TGM1: variants seen among roughly 807,000 people sequenced by gnomAD.
The protein encoded by TGM1 is transglutaminase 1.
In TGM1, 63 loss-of-function variants were observed where a neutral mutation model predicts 88.7. The observed-to-expected ratio is 0.71, with a 90% CI of 0.58 to 0.88. TGM1 has a LOEUF of 0.88. Among genes scored for constraint, TGM1 ranks in the 40% least tolerant of loss-of-function variants. The probability of loss-of-function intolerance (pLI) is 0.00; values close to 1 mark genes in which losing one functional copy is unlikely to be tolerated. For missense variants in TGM1, 996 were observed against 1,118.0 expected (o/e 0.89, Z 1.56); for synonymous variants, 415 against 431.1 (o/e 0.96, Z 0.46).
chr14:24,258,389 C>G lies in TGM1; in HGVS notation c.1299-1G>C. 1 of 1,614,092 alleles carries G rather than the reference C, an allele frequency of 6.2e-7. No homozygotes were observed. Among genetic ancestry groups the G allele is most frequent in the Non-Finnish European group, 8.5e-7 (1 of 1,180,002 alleles). ...GCAGTCGTTCCACACATGGAAGTTC[C>G]TGGATGGACATGGAGGAGGGGCTGG... On this transcript the variant is annotated splice_acceptor_variant, in intron 8 of 14. Transcript: ENST00000206765. LOFTEE classifies it high-confidence loss of function.
chr14:24,258,170 C>T (rs543989870), intron 9 of TGM1, 115 bp downstream of exon 9: 49 of 765,338 alleles, frequency 6.4e-5, no homozygotes, highest in South Asian at 3.9e-4. Context: ...TTTAAGAAGC[C>T]GCGGGGTTAC....
chr14:24,259,762 C>T lies in TGM1; in HGVS notation c.926G>A (p.Gly309Glu). ...GTCTCCACGGCCTCCATATGGCATC[C>T]CCCGCCGGTCCAGGATGTATAAGCA... ...DACLYILDRR[G>E]MPYGGRGDPV... Residue 309 changes from glycine to glutamate, a missense_variant, in exon 6 of 15, where the codon GGG (glycine) becomes GAG (glutamate). Physicochemically the swap from Gly to Glu is moderately conservative, Grantham distance 98. Coordinates refer to ENST00000206765, the MANE Select transcript of TGM1 (RefSeq NM_000359.3). The surrounding 1 kb of genome is among the most constrained non-coding windows in gnomAD (Gnocchi z 5.7). 1 of 1,613,094 alleles carries T rather than the reference C, an allele frequency of 6.2e-7. No individual in the cohort carries two copies. The highest frequency in any genetic ancestry group is 8.5e-7 in the Non-Finnish European group (1 of 1,179,824).
In TGM1 at chr14:24,262,366, A is replaced by T. The variant is rs1008609061; in HGVS notation, c.-2-12T>A. 2.5e-6 allele frequency: 4 copies of T among 1,613,074 alleles called. No homozygotes were observed. In the African/African-American group the frequency reaches 5.3e-5, roughly 22 times the overall value. ...CCCATCCATCATGCCTGTTAGGAAG[A>T]GGCAGGGTGGCTCCTTAACCCAGGT... On this transcript the variant is annotated splice_polypyrimidine_tract_variant and intron_variant, in intron 1 of 14. Coordinates refer to ENST00000206765, the MANE Select transcript of TGM1 (RefSeq NM_000359.3).
rs2040745388 is a variant in TGM1 at position 24,255,743 on chromosome 14, T to C, written c.1492-226A>G. On this transcript the variant is annotated intron_variant, in intron 10 of 14. Transcript: ENST00000206765. The surrounding 1 kb of genome is among the most constrained non-coding windows in gnomAD (Gnocchi z 4.0). ...GGCTCCTGGCAGAGCACTTTGGCAA[T>C]ATCAGTAATCCCTCACACTCAATGG... Among the ~76,000 whole-genome samples, 1 of 152,158 alleles carries C rather than the reference T, an allele frequency of 6.6e-6. No individual in the cohort carries two copies. The highest frequency in any genetic ancestry group is 6.5e-5 in the Admixed American group (1 of 15,284).
Position 24,262,209 on chromosome 14 carries a change from A to C in TGM1, c.144T>G (p.Cys48Trp). 3 of 1,613,874 alleles carry C rather than the reference A, an allele frequency of 1.9e-6. No homozygotes were observed. Among genetic ancestry groups the C allele is most frequent in the Non-Finnish European group, 2.5e-6 (3 of 1,180,024 alleles). ...CCGCATTTCGGCATGAACAGCAGCCACAGCAGCGAGCCCAGAAGGAACGGC... is the reference window on the plus strand; with the variant it reads ...CCGCATTTCGGCATGAACAGCAGCCCCAGCAGCGAGCCCAGAAGGAACGGC... ...GGGRSFWARC[C>W]GCCSCRNAAD... Residue 48 changes from cysteine to tryptophan, a missense_variant, in exon 2 of 15, where the codon TGT becomes TGG. Physicochemically the swap from Cys to Trp is radical, Grantham distance 215 (BLOSUM62 -2). Coordinates refer to ENST00000206765, the MANE Select transcript of TGM1 (RefSeq NM_000359.3).
rs749759208 is a variant in TGM1 at position 24,262,025 on chromosome 14, C to T, written c.319+9G>A. ...TAGCTCTCAGCTGAGGAGGACAGAC[C>T]GGCCTCACCTCGGATGGTGCCATCT... is the stretch of plus-strand genomic sequence containing the variant. On this transcript the variant is annotated intron_variant, in intron 2 of 14. Transcript: ENST00000206765. 44 of 1,613,112 alleles carry T rather than the reference C, an allele frequency of 2.7e-5. No homozygotes were observed. Among genetic ancestry groups the T allele is most frequent in the South Asian group, 8.8e-5 (8 of 91,080 alleles).
intron 14 of TGM1, among the ~76,000 whole-genome samples, chr14:24,253,781 C>A (rs2040720378): frequency 6.6e-6 from 1 of 152,208 alleles, no homozygotes; most frequent in African/African-American, 2.4e-5. Flanking sequence ...CACACCTGGC[C>A]TTCTAATGTA....
chr14:24,253,901 G>A (rs953262719), intron 14 of TGM1, among the ~76,000 whole-genome samples: 1 of 152,170 alleles, frequency 6.6e-6, no homozygotes, highest in Non-Finnish European at 1.5e-5. Flanking sequence ...TTCCTATGTG[G>A]GCCTTCTGCT....
chr14:24,261,751 A>G lies in TGM1; in HGVS notation c.452T>C (p.Leu151Pro). Residue 151 changes from leucine (L) to proline (P), a missense_variant, in exon 3 of 15, where the codon CTC becomes CCC. Physicochemically the swap from Leu to Pro is moderately conservative, Grantham distance 98. Transcript: ENST00000206765. Reference protein sequence around the residue: ...VRRGQPFHMLLLLSRTYESSD... With the variant: ...VRRGQPFHMLPLLSRTYESSD... The stretch of plus-strand genomic sequence containing the variant: ...GGATTCATAGGTCCGGGACAGGAGG[A>G]GGAGCATATGGAAAGGCTGCCCGCG... 1 of 1,614,086 alleles carries G rather than the reference A, an allele frequency of 6.2e-7. No individual in the cohort carries two copies. The highest frequency in any genetic ancestry group is 8.5e-7 in the Non-Finnish European group (1 of 1,180,014).
At chr14:24,258,756 GCAACTAGGATTGC>G in intron 7 of TGM1, 83 bp from the exon 8 acceptor site, 1 of 1,580,236 alleles carries the variant, frequency 6.3e-7, no homozygotes, top group South Asian at 1.1e-5. Context: ...GGGGAGAAGG[GCAACTAGGATTGC>G]CAAGCTGGGC....
At chr14:24,261,558 C>T in intron 3 of TGM1, 137 bp downstream of exon 3, 1 of 1,122,744 alleles carries the variant, frequency 8.9e-7, no homozygotes, top group Non-Finnish European at 1.3e-6. Flanking sequence ...GGGGCACACC[C>T]ACACACTTGC....
chr14:24,251,099 G>A (rs2040697359), intron 14 of TGM1, among the ~76,000 whole-genome samples: 1 of 152,134 alleles, frequency 6.6e-6, no homozygotes, highest in African/African-American at 2.4e-5. Context: ...CACTTTCTGG[G>A]TCATAAAATG....
chr14:24,258,980 C>T, intron 7 of TGM1, 95 bp downstream of exon 7: 1 of 1,456,290 alleles, frequency 6.9e-7, no homozygotes, highest in Non-Finnish European at 9.5e-7. Flanking sequence ...CTGCACCCTG[C>T]ACTGTAGCCA....
At chr14:24,254,396 A>G in intron 13 of TGM1, 108 bp from the exon 14 acceptor site, 1 of 1,525,676 alleles carries the variant, frequency 6.6e-7, no homozygotes, top group South Asian at 1.2e-5. Flanking sequence ...AACCTCCCCG[A>G]GTCCCACATT....
At chr14:24,258,453 C>A in intron 8 of TGM1, 65 bp from the exon 9 acceptor site, 1 of 1,611,076 alleles carries the variant, frequency 6.2e-7, no homozygotes, top group East Asian at 2.2e-5. Context: ...GTTTCCCCAG[C>A]CTCCCCAGCC....
intron 13 of TGM1, 141 bp from the exon 14 acceptor site, chr14:24,254,429 C>T: frequency 7.2e-7 from 1 of 1,382,608 alleles, no homozygotes; most frequent in South Asian, 1.3e-5. Context: ...AGAAGATTCC[C>T]CAGAAGTCAG....
Position 24,259,984 on chromosome 14 carries a change from C to T in TGM1, c.832G>A (p.Gly278Arg), listed in dbSNP as rs121918725. The T allele has an allele frequency of 1.6e-5, 26 of 1,614,064 alleles. No individual in the cohort carries two copies. The highest frequency in any genetic ancestry group is 3.3e-5 in the Admixed American group (2 of 60,014). ...CGCTCACCAATCTGTGCTTCGGTCCCGTAGTAAATTCTCCCAGACTCATTA... is the reference window on the plus strand; with the variant it reads ...CGCTCACCAATCTGTGCTTCGGTCCTGTAGTAAATTCTCCCAGACTCATTA... Reference protein sequence around the residue: ...VLNESGRIYYGTEAQIGERTW... With the variant: ...VLNESGRIYYRTEAQIGERTW... Residue 278 changes from glycine (G) to arginine (R), a missense_variant, in exon 5 of 15, where the codon GGG becomes AGG. By Grantham distance (125) the Gly-to-Arg change is moderately radical. Transcript: ENST00000206765. This position sits in a 1 kb window ranked among gnomAD's most constrained non-coding sequence, Gnocchi z 5.7.
rs758268158 is a variant in TGM1 at position 24,249,263 on chromosome 14, G to C, written c.*50C>G. ...GCTCTGTAGTGTGCCCCTATCTTGG[G>C]GCAATGTCCTTGCTCATCTGACTCC... On this transcript the variant is annotated 3_prime_UTR_variant, in exon 15 of 15. Coordinates refer to ENST00000206765, the MANE Select transcript of TGM1 (RefSeq NM_000359.3). 1 of 1,562,144 alleles carries C rather than the reference G, an allele frequency of 6.4e-7. No individual in the cohort carries two copies. Among genetic ancestry groups the C allele is most frequent in the South Asian group, 1.1e-5 (1 of 89,834 alleles).
intron 4 of TGM1, 142 bp downstream of exon 4, chr14:24,260,308 G>A: frequency 7.2e-7 from 1 of 1,379,372 alleles, no homozygotes; most frequent in South Asian, 1.2e-5. Flanking sequence ...TCTGCACCAG[G>A]CCTCGGTCCT....
Sources: gnomAD v4.1 joint callset for allele counts (sites outside exome capture counted in the v4.1 genomes callset) on GRCh38, gnomAD v4.1.1 for gene constraint, Gnocchi (gnomAD v3.1) non-coding constraint, MANE v1.5 for transcripts, NCBI Gene and HGNC (gene_info 2026-07-23, HGNC 2026-07-21) for gene names.